The following ETNPPL variants were observed in gnomAD, a reference collection of about 807,000 sequenced individuals.
The protein encoded by ETNPPL is ethanolamine-phosphate phospho-lyase.
In ETNPPL, 30 loss-of-function variants were observed where a neutral mutation model predicts 55.5. That is an observed-to-expected ratio of 0.54 (90% CI 0.40 to 0.73). The LOEUF is 0.73. Among genes scored for constraint, ETNPPL ranks in the 30% least tolerant of loss-of-function variants. The pLI is 0.00. For synonymous variants in ETNPPL, 202 were observed against 207.2 expected, an observed-to-expected ratio of 0.98 and a Z score of 0.21; for missense variants, 528 against 607.9, an observed-to-expected ratio of 0.87 and a Z score of 1.38.
intron 7 of ETNPPL, among the ~76,000 whole-genome samples, chr4:108,749,867 C>A (rs928550230): frequency 6.6e-6 from 1 of 152,132 alleles, no homozygotes; most frequent in South Asian, 2.1e-4. Flanking sequence ...GCCACCATGC[C>A]CAGATAATAT....
chr4:108,749,127 C>T, intron 8 of ETNPPL, 111 bp downstream of exon 8: 1 of 710,492 alleles, frequency 1.4e-6, no homozygotes, highest in East Asian at 2.7e-5. Context: ...GGCCAGAGTT[C>T]TGGGTGGTTA....
intron 7 of ETNPPL, among the ~76,000 whole-genome samples, chr4:108,749,754 G>T (rs1253312354): frequency 7.2e-5 from 11 of 151,996 alleles, no homozygotes; most frequent in Non-Finnish European, 1.2e-4. Context: ...TGTTGCCCAG[G>T]CTGGAGTGCA....
At chr4:108,751,455 G>A (rs1011751718) in intron 6 of ETNPPL, among the ~76,000 whole-genome samples, 1 of 152,188 alleles carries the variant, frequency 6.6e-6, no homozygotes, top group African/African-American at 2.4e-5. Flanking sequence ...CACCATGAAA[G>A]TGGCAGGGTG....
At chr4:108,756,612 C>T (rs533349262) in intron 3 of ETNPPL, 120 bp from the exon 4 acceptor site, 5 of 704,768 alleles carry the variant, frequency 7.1e-6, no homozygotes, top group South Asian at 5.3e-5. Flanking sequence ...CAAGGAGGGC[C>T]GATTGCCTGA....
chr4:108,762,020 A>T (rs954413524), intron 1 of ETNPPL, among the ~76,000 whole-genome samples: 3 of 152,200 alleles, frequency 2.0e-5, no homozygotes, highest in Non-Finnish European at 4.4e-5. Flanking sequence ...ATTTACACGT[A>T]TCTTTTTAAA....
intron 11 of ETNPPL, 93 bp downstream of exon 11, chr4:108,746,306 C>A (rs1426944945): frequency 1.0e-5 from 12 of 1,146,240 alleles, no homozygotes; most frequent in African/African-American, 3.2e-5. Context: ...TCATGAATAA[C>A]AAGATGCATA....
At chr4:108,753,615 G>A (rs1168945094) in intron 5 of ETNPPL, among the ~76,000 whole-genome samples, 3 of 152,074 alleles carry the variant, frequency 2.0e-5, no homozygotes, top group Admixed American at 6.6e-5. Context: ...GGTGGTGTAT[G>A]CCTGTAATCC....
chr4:108,760,348 C>A (rs1168769400), intron 1 of ETNPPL, 42 bp from the exon 2 acceptor site: 1 of 1,137,986 alleles, frequency 8.8e-7, no homozygotes, highest in South Asian at 1.3e-5. Flanking sequence ...GGTAGGACTA[C>A]TCTCAGTATT....
intron 11 of ETNPPL, among the ~76,000 whole-genome samples, chr4:108,746,067 T>C (rs984920828): frequency 4.6e-5 from 7 of 152,178 alleles, no homozygotes; most frequent in Admixed American, 4.6e-4. Context: ...TACTATATAC[T>C]GTAGTATTTG....
Position 108,749,297 on chromosome 4 carries a change from C to T in ETNPPL, c.868G>A (p.Val290Ile), listed in dbSNP as rs1728779407. 1.2e-6 allele frequency: 2 copies of T among 1,614,058 alleles called. No homozygotes were observed. The change falls in exon 8 of 13, where the codon GTA becomes ATA. Residue 290 changes from valine to isoleucine, a missense_variant. By Grantham distance (29) the Val-to-Ile change is conservative (BLOSUM62 3). Transcript: ENST00000296486. ...GCTTCTGCAATTTCTTTGGTTGTTA[C>T]CACACATGCCACCGGGTGGCCGTTG... ...MGNGHPVACV[V>I]TTKEIAEAFS... is the part of the protein sequence containing the mutation.
rs1491176665 is a variant in ETNPPL at position 108,747,148 on chromosome 4, A to ATATAT, written c.1083-298_1083-297insATATA. 1.4e-3 allele frequency among the ~76,000 whole-genome samples: 48 copies of ATATAT among 35,382 alleles called. 6 individuals carry two copies. The highest frequency in any genetic ancestry group is 6.6e-3 in the African/African-American group (32 of 4,870). 23.2% of individuals were successfully genotyped at this position (35,382 alleles called of 152,430 possible). A position where few individuals can be genotyped will look rare whatever the true frequency, so the allele number is the denominator to read the frequency against. Reference sequence around the variant, plus strand: ...ATTATATATATATATATATATATATAATATATATATATATATTATATATAT... The same window carrying ATATAT: ...ATTATATATATATATATATATATATATATATATATATATATATATATTATATATAT... On this transcript the variant is annotated intron_variant, in intron 9 of 12. Transcript: ENST00000296486.
rs753551149 is a variant in ETNPPL at position 108,759,764 on chromosome 4, TAACA to T, written c.316_319del (p.Cys106IlefsTer12). On this transcript the variant is annotated frameshift_variant, in exon 3 of 13. Coordinates refer to ENST00000296486, the MANE Select transcript of ETNPPL (RefSeq NM_031279.4). LOFTEE classifies it high-confidence loss of function. ...TGAAGCATACCCTGAATTTGTAAAA[TAACA>T]AACAGAGAGTTTCTCCGGCAGAGTT... 4 of 1,614,038 alleles carry T rather than the reference TAACA, an allele frequency of 2.5e-6. No homozygotes were observed. The highest frequency in any genetic ancestry group is 1.3e-5 in the African/African-American group (1 of 75,022).
intron 5 of ETNPPL, among the ~76,000 whole-genome samples, chr4:108,754,149 CT>C (rs968047910): frequency 6.6e-6 from 1 of 151,406 alleles, no homozygotes; most frequent in African/African-American, 2.4e-5. Context: ...AATTTTTGTA[CT>C]TTTTTTAAGT....
At position 108,760,227 on chromosome 4, in the gene ETNPPL, C is replaced by T. The variant is rs1220793688; in HGVS notation, c.136G>A (p.Gly46Ser). Residue 46 changes from glycine (G) to serine (S), a missense_variant, in exon 2 of 13, where the codon GGT becomes AGT. Coordinates refer to ENST00000296486, the MANE Select transcript of ETNPPL (RefSeq NM_031279.4). ...AQRQYMFDEN[G>S]EQYLDCINNV... ...TTGATGCAGTCCAAGTACTGTTCAC[C>T]GTTCTCATCAAACATGTACTGCCTC... is the stretch of plus-strand genomic sequence containing the variant. 5 of 1,611,840 alleles carry T rather than the reference C, an allele frequency of 3.1e-6. No individual in the cohort carries two copies. Among genetic ancestry groups the T allele is most frequent in the East Asian group, 2.2e-5 (1 of 44,860 alleles).
intron 11 of ETNPPL, among the ~76,000 whole-genome samples, chr4:108,745,568 T>G (rs1728436273): frequency 6.6e-6 from 1 of 151,926 alleles, no homozygotes; most frequent in Admixed American, 6.6e-5. Context: ...CACTCCAGCC[T>G]GGGTGACACA....
At chr4:108,750,573 A>G (rs924140204) in intron 7 of ETNPPL, among the ~76,000 whole-genome samples, 4 of 143,470 alleles carry the variant, frequency 2.8e-5, no homozygotes, top group South Asian at 2.3e-4. Context: ...ATATATATAC[A>G]ATATATATGA....
Position 108,754,713 on chromosome 4 carries a change from G to A in ETNPPL, c.411-3C>T. ...ATGATAGGTGACCATGGTAAGCACT[G>A]AAGAGACAAAGAAAAAAAAGCAGTA... On this transcript the variant is annotated splice_region_variant and splice_polypyrimidine_tract_variant and intron_variant, in intron 4 of 12. Transcript: ENST00000296486. 2 of 1,513,450 alleles carry A rather than the reference G, an allele frequency of 1.3e-6. No individual in the cohort carries two copies. Among genetic ancestry groups the A allele is most frequent in the South Asian group, 2.3e-5 (2 of 85,636 alleles). The allele number at this position is 1,513,450 out of a possible 1,614,324, so 93.8% of individuals were successfully genotyped here.
At chr4:108,743,699 C>T in intron 12 of ETNPPL, 90 bp downstream of exon 12, 1 of 939,034 alleles carries the variant, frequency 1.1e-6, no homozygotes, top group African/African-American at 1.6e-5. Flanking sequence ...CTAATGGTCA[C>T]TGCACAATTT....
intron 3 of ETNPPL, among the ~76,000 whole-genome samples, chr4:108,758,023 T>C (rs1729307786): frequency 6.7e-6 from 1 of 149,854 alleles, no homozygotes; most frequent in African/African-American, 2.4e-5. Context: ...TTTTTTTTTT[T>C]TTGACGGAGT....
Sources: allele counts gnomAD v4.1 joint callset (sites outside exome capture counted in the v4.1 genomes callset), GRCh38; gene constraint gnomAD v4.1.1; transcripts MANE v1.5; gene names NCBI Gene and HGNC (gene_info 2026-07-23, HGNC 2026-07-21).